The following GRM7 variants were observed in gnomAD, a reference collection of about 807,000 sequenced individuals.
GRM7 encodes glutamate metabotropic receptor 7, also known as metabotropic glutamate receptor 7.
A neutral mutation model predicts 84.5 loss-of-function variants in GRM7; 35 were observed. The ratio of observed to expected loss-of-function variants is 0.41; its 90% confidence interval spans 0.32 to 0.55. The LOEUF is 0.55. Among genes scored for constraint, GRM7 ranks in the 20% least tolerant of loss-of-function variants. The pLI is 0.19. For missense variants in GRM7, 1,003 were observed against 1,194.6 expected, an observed-to-expected ratio of 0.84 and a Z score of 2.36; for synonymous variants, 487 against 455.1, an observed-to-expected ratio of 1.07 and a Z score of -0.89.
intron 7 of GRM7, among the ~76,000 whole-genome samples, chr3:7,550,526 CT>C (rs966374072): frequency 2.9e-5 from 4 of 139,886 alleles, no homozygotes; most frequent in South Asian, 4.9e-4. Flanking sequence ...CTTCTTCTTC[CT>C]TTTTTTCTTC....
intron 2 of GRM7, among the ~76,000 whole-genome samples, chr3:7,258,282 T>C (rs535553693): frequency 3.1e-4 from 47 of 152,240 alleles, no homozygotes; most frequent in African/African-American, 1.0e-3. Context: ...TCTAGAGTGA[T>C]TGGAGACTAG....
chr3:6,987,968 C>T (rs568587392), intron 1 of GRM7, among the ~76,000 whole-genome samples: 16 of 148,262 alleles, frequency 1.1e-4, no homozygotes, highest in Non-Finnish European at 2.1e-4. Context: ...ATCAGTATGA[C>T]ATCTAGGCAG....
At chr3:6,935,968 C>T (rs538169410) in intron 1 of GRM7, among the ~76,000 whole-genome samples, 1 of 152,284 alleles carries the variant, frequency 6.6e-6, no homozygotes, top group South Asian at 2.1e-4. Flanking sequence ...CTCGGACTCC[C>T]TGATTGCTGG....
At chr3:7,697,392 G>C (rs1018912816) in intron 9 of GRM7, among the ~76,000 whole-genome samples, 1 of 152,072 alleles carries the variant, frequency 6.6e-6, no homozygotes, top group South Asian at 2.1e-4. Flanking sequence ...CTGAAGTAAG[G>C]CTCAGAGAGG....
At chr3:7,273,952 C>T (rs532646488) in intron 2 of GRM7, among the ~76,000 whole-genome samples, 1 of 151,796 alleles carries the variant, frequency 6.6e-6, no homozygotes, top group Non-Finnish European at 1.5e-5. Flanking sequence ...TTTTTATCTT[C>T]TTTTTTTGTC....
intron 1 of GRM7, among the ~76,000 whole-genome samples, chr3:7,064,479 TAC>T (rs372086997): frequency 2.4e-4 from 24 of 99,310 alleles, no homozygotes; most frequent in East Asian, 5.2e-4. Flanking sequence ...TATATATATA[TAC>T]ACACATATAC....
intron 2 of GRM7, among the ~76,000 whole-genome samples, chr3:7,279,975 G>A (rs1275850730): frequency 1.3e-5 from 2 of 152,178 alleles, no homozygotes; most frequent in Non-Finnish European, 2.9e-5. Context: ...TGTGTGCTGG[G>A]TGTCAGGAAG....
chr3:6,903,278 A>G (rs1302645224), intron 1 of GRM7, among the ~76,000 whole-genome samples: 1 of 149,418 alleles, frequency 6.7e-6, no homozygotes, highest in East Asian at 2.0e-4. Flanking sequence ...GCATTATTGC[A>G]TTCTTTGAGT....
At chr3:7,346,073 A>G (rs1458787884) in intron 4 of GRM7, among the ~76,000 whole-genome samples, 1 of 152,158 alleles carries the variant, frequency 6.6e-6, no homozygotes. Flanking sequence ...TTATATACCT[A>G]GGAGACCTGT....
intron 8 of GRM7, among the ~76,000 whole-genome samples, chr3:7,668,802 A>G (rs1341462217): frequency 6.6e-6 from 1 of 152,238 alleles, no homozygotes; most frequent in East Asian, 1.9e-4. Flanking sequence ...TTCTCAAATG[A>G]GTGAGGACCA....
chr3:6,910,432 CT>C (rs1483149412), intron 1 of GRM7, among the ~76,000 whole-genome samples: 2 of 152,072 alleles, frequency 1.3e-5, no homozygotes, highest in Non-Finnish European at 2.9e-5. Flanking sequence ...ATGTTGGTGT[CT>C]TAAATACACA....
intron 4 of GRM7, among the ~76,000 whole-genome samples, chr3:7,384,225 C>T (rs1694699891): frequency 6.6e-6 from 1 of 152,068 alleles, no homozygotes; most frequent in Non-Finnish European, 1.5e-5. Context: ...GACAGGGTTT[C>T]GCCATGTCAG....
chr3:7,684,222 CAG>C (rs1480054503), intron 9 of GRM7, among the ~76,000 whole-genome samples: 1 of 152,122 alleles, frequency 6.6e-6, no homozygotes, highest in Non-Finnish European at 1.5e-5. Context: ...ACTTTTGTAA[CAG>C]AGATAAATGA....
intron 1 of GRM7, among the ~76,000 whole-genome samples, chr3:7,114,191 G>C (rs1692953709): frequency 6.6e-6 from 1 of 152,182 alleles, no homozygotes; most frequent in South Asian, 2.1e-4. Flanking sequence ...CTCTAGTGCA[G>C]ATATGAACAA....
At chr3:7,212,649 T>C (rs1272380905) in intron 2 of GRM7, among the ~76,000 whole-genome samples, 2 of 152,226 alleles carry the variant, frequency 1.3e-5, no homozygotes, top group African/African-American at 2.4e-5. Flanking sequence ...AAGAAAACTT[T>C]ATCTGGCTAA....
intron 1 of GRM7, among the ~76,000 whole-genome samples, chr3:7,087,660 G>T (rs990073113): frequency 6.6e-6 from 1 of 152,274 alleles, no homozygotes; most frequent in African/African-American, 2.4e-5. Flanking sequence ...AGAGATGAAA[G>T]AGAGGAAGTA....
intron 9 of GRM7, chr3:7,680,574 A>G (rs999483556): frequency 7.3e-6 from 3 of 408,890 alleles, no homozygotes; most frequent in South Asian, 2.9e-5. Flanking sequence ...GAATCCTCCA[A>G]CTGACAAATG....
chr3:6,965,493 AT>A (rs1054621636), intron 1 of GRM7, among the ~76,000 whole-genome samples: 3 of 151,550 alleles, frequency 2.0e-5, no homozygotes, highest in African/African-American at 7.3e-5. Context: ...TGCCCGGCTA[AT>A]TTTTTTATGT....
intron 1 of GRM7, among the ~76,000 whole-genome samples, chr3:7,102,044 A>G (rs1197730542): frequency 1.3e-5 from 2 of 151,590 alleles, no homozygotes; most frequent in Admixed American, 1.3e-4. Flanking sequence ...ATCCCATAAT[A>G]TAATGTAAAA....
Sources: gnomAD v4.1 joint callset for allele counts (sites outside exome capture counted in the v4.1 genomes callset) on GRCh38, gnomAD v4.1.1 for gene constraint, MANE v1.5 for transcripts, NCBI Gene and HGNC (gene_info 2026-07-23, HGNC 2026-07-21) for gene names.